The following SMURF1 variants were observed in gnomAD, a reference collection of about 807,000 sequenced individuals.
The protein encoded by SMURF1 is E3 ubiquitin-protein ligase SMURF1.
Under a neutral mutation model 98.0 loss-of-function variants are expected in SMURF1, and 44 were observed. The observed-to-expected ratio is 0.45, with a 90% CI of 0.35 to 0.58. SMURF1 has a LOEUF of 0.58. SMURF1 is among the 20% of genes least tolerant of loss of function. SMURF1 has a pLI of 0.00. For missense variants in SMURF1, 687 were observed against 938.4 expected (o/e 0.73, Z 3.50); for synonymous variants, 396 against 374.9 (o/e 1.06, Z -0.65).
At chr7:99,083,394 T>C (rs1214030422) in intron 1 of SMURF1, among the ~76,000 whole-genome samples, 2 of 152,232 alleles carry the variant, frequency 1.3e-5, no homozygotes, top group African/African-American at 4.8e-5. Context: ...AAACATTAAC[T>C]CCTGTTAAAT....
At chr7:99,107,652 C>T (rs1389805749) in intron 1 of SMURF1, among the ~76,000 whole-genome samples, 1 of 152,222 alleles carries the variant, frequency 6.6e-6, no homozygotes, top group Non-Finnish European at 1.5e-5. Context: ...AACGATCTTT[C>T]TGTCCTATTT....
chr7:99,126,186 C>T (rs560034023), intron 1 of SMURF1, among the ~76,000 whole-genome samples: 10 of 152,206 alleles, frequency 6.6e-5, no homozygotes, highest in African/African-American at 2.4e-4. Flanking sequence ...ATGAGAACAG[C>T]GAGCATGTAT....
intron 1 of SMURF1, among the ~76,000 whole-genome samples, chr7:99,101,708 G>A (rs1797086115): frequency 6.6e-6 from 1 of 152,188 alleles, no homozygotes; most frequent in African/African-American, 2.4e-5. Context: ...GGGAGGCCGA[G>A]GCAGGCGGAT....
chr7:99,076,715 T>C (rs996812037), intron 1 of SMURF1, among the ~76,000 whole-genome samples: 4 of 152,246 alleles, frequency 2.6e-5, no homozygotes, highest in African/African-American at 7.2e-5. Flanking sequence ...GCTTCATTAA[T>C]TGCAACAAAT....
chr7:99,092,444 CAG>C (rs1461163408), intron 1 of SMURF1, among the ~76,000 whole-genome samples: 3 of 152,202 alleles, frequency 2.0e-5, no homozygotes, highest in Admixed American at 6.5e-5. Flanking sequence ...TGGTCATTCA[CAG>C]ATGTTTGCAG....
chr7:99,034,613 A>G (rs1407038980), intron 16 of SMURF1, among the ~76,000 whole-genome samples: 1 of 152,250 alleles, frequency 6.6e-6, no homozygotes. Context: ...TGTTGGGAGA[A>G]CTGAATGAGA....
Position 99,042,193 on chromosome 7 carries a change from A to C in SMURF1, c.1296T>G (p.Pro432=), listed in dbSNP as rs775762033. The change falls in exon 12 of 18, where the codon CCT becomes CCG. Residue 432 remains proline, a synonymous_variant. Coordinates refer to ENST00000361368, the MANE Select transcript of SMURF1 (RefSeq NM_181349.3). ...LYLLCHEMLN[P]YYGLFQYSTD... is the part of the protein sequence containing the mutation. ...TAGAATACTGGAAGAGCCCGTAATA[A>C]GGATTCAGCATTTCATGGCACAGCA... 1 of 1,614,108 alleles carries C rather than the reference A, an allele frequency of 6.2e-7. No homozygotes were observed. Among genetic ancestry groups the C allele is most frequent in the Non-Finnish European group, 8.5e-7 (1 of 1,180,008 alleles).
intron 13 of SMURF1, among the ~76,000 whole-genome samples, chr7:99,040,090 A>G (rs1175419594): frequency 6.6e-6 from 1 of 152,126 alleles, no homozygotes; most frequent in African/African-American, 2.4e-5. Context: ...TCATGAGGAA[A>G]ATAAGTCAAC....
intron 1 of SMURF1, among the ~76,000 whole-genome samples, chr7:99,101,427 A>C (rs1797077898): frequency 6.6e-6 from 1 of 152,228 alleles, no homozygotes. Context: ...AGTTTCTACT[A>C]ATTTTAAAAC....
intron 14 of SMURF1, among the ~76,000 whole-genome samples, chr7:99,037,577 G>A (rs1357913181): frequency 1.3e-5 from 2 of 152,150 alleles, no homozygotes; most frequent in Non-Finnish European, 2.9e-5. Flanking sequence ...ACAAACATGG[G>A]AACACACTGA....
At chr7:99,068,578 G>A (rs1466678015) in intron 1 of SMURF1, among the ~76,000 whole-genome samples, 2 of 152,104 alleles carry the variant, frequency 1.3e-5, no homozygotes, top group Non-Finnish European at 2.9e-5. Flanking sequence ...GAGATTACAG[G>A]ACTAAGCCAC....
chr7:99,088,038 C>T (rs1415855855), intron 1 of SMURF1, among the ~76,000 whole-genome samples: 1 of 151,946 alleles, frequency 6.6e-6, no homozygotes, highest in Non-Finnish European at 1.5e-5. Flanking sequence ...AGGTGGATCA[C>T]CTGAGGTCAG....
intron 1 of SMURF1, among the ~76,000 whole-genome samples, chr7:99,123,368 A>G (rs1318871229): frequency 1.3e-5 from 2 of 152,094 alleles, no homozygotes; most frequent in African/African-American, 2.4e-5. Flanking sequence ...CCCTGTCTCT[A>G]TAAAAAATTA....
rs1319481548 is a variant in SMURF1, at chr7:99,045,721, A to G, written c.1233T>C (p.Gly411=). ...RLMVKFRGEE[G]LDYGGVAREW... ...ACCTGGCCACACCACCGTAATCCAA[A>G]CCTTCTTCCCCACGGAATTTCACCA... Residue 411 remains glycine, a synonymous_variant, in exon 11 of 18, where the codon GGT becomes GGC. Transcript: ENST00000361368. 2.5e-6 allele frequency: 4 copies of G among 1,614,072 alleles called. No individual in the cohort carries two copies. The highest frequency in any genetic ancestry group is 3.4e-6 in the Non-Finnish European group (4 of 1,179,962).
chr7:99,077,696 G>A (rs922047382), intron 1 of SMURF1, among the ~76,000 whole-genome samples: 3 of 152,058 alleles, frequency 2.0e-5, no homozygotes, highest in South Asian at 4.1e-4. Flanking sequence ...TCTTTGTTCA[G>A]ATTATTAATA....
At chr7:99,127,769 C>A (rs935234315) in intron 1 of SMURF1, among the ~76,000 whole-genome samples, 1 of 152,044 alleles carries the variant, frequency 6.6e-6, no homozygotes, top group Non-Finnish European at 1.5e-5. Context: ...ATGAGAAACA[C>A]CAAATCCTTG....
chr7:99,039,895 G>A (rs1307661743), intron 13 of SMURF1, among the ~76,000 whole-genome samples: 1 of 152,194 alleles, frequency 6.6e-6, no homozygotes, highest in East Asian at 1.9e-4. Flanking sequence ...TAAAGCAGAG[G>A]TAACTAAATG....
At chr7:99,073,743 G>A (rs1796388481) in intron 1 of SMURF1, among the ~76,000 whole-genome samples, 1 of 151,334 alleles carries the variant, frequency 6.6e-6, no homozygotes, top group Admixed American at 6.6e-5. Context: ...TCCAGCCTGG[G>A]TGACAGAGTG....
At chr7:99,039,232 C>G (rs984736178) in intron 13 of SMURF1, among the ~76,000 whole-genome samples, 1 of 151,348 alleles carries the variant, frequency 6.6e-6, no homozygotes, top group African/African-American at 2.4e-5. Context: ...ACTGTTCCTC[C>G]CTTAGAGGCA....
Sources: gnomAD v4.1 joint callset for allele counts (sites outside exome capture counted in the v4.1 genomes callset) on GRCh38, gnomAD v4.1.1 for gene constraint, MANE v1.5 for transcripts, NCBI Gene and HGNC (gene_info 2026-07-23, HGNC 2026-07-21) for gene names.